PDE1A: variants seen among roughly 807,000 people sequenced by gnomAD.
The protein encoded by PDE1A is phosphodiesterase 1A, also known as dual specificity calcium/calmodulin-dependent 3',5'-cyclic nucleotide phosphodiesterase 1A.
PDE1A carries 35 observed loss-of-function variants against 61.7 expected under a neutral mutation model. That is an observed-to-expected ratio of 0.57 (90% CI 0.43 to 0.75). The LOEUF (loss-of-function observed/expected upper bound fraction) is 0.75, where lower values mean the gene tolerates loss of function less well. Among genes scored for constraint, PDE1A ranks in the 30% least tolerant of loss-of-function variants. The pLI is 0.00. For synonymous variants in PDE1A, 232 were observed against 213.2 expected (o/e 1.09, Z -0.77); for missense variants, 597 against 630.6 (o/e 0.95, Z 0.57).
At chr2:182,513,859 C>T (rs1253710932) in intron 2 of PDE1A, among the ~76,000 whole-genome samples, 1 of 152,216 alleles carries the variant, frequency 6.6e-6, no homozygotes, top group African/African-American at 2.4e-5. Flanking sequence ...AAGGGCATTA[C>T]ATAATGATAA....
intron 1 of PDE1A, among the ~76,000 whole-genome samples, chr2:182,355,930 C>T (rs561431066): frequency 3.9e-5 from 6 of 152,104 alleles, no homozygotes; most frequent in Non-Finnish European, 5.9e-5. Flanking sequence ...AGAGAAACTA[C>T]GTTTGCTTAT....
At chr2:182,287,278 C>T (rs1694227939) in intron 1 of PDE1A, among the ~76,000 whole-genome samples, 1 of 152,082 alleles carries the variant, frequency 6.6e-6, no homozygotes, top group Admixed American at 6.6e-5. Flanking sequence ...AAAAGCCCTC[C>T]CTGACAACCC....
intron 2 of PDE1A, among the ~76,000 whole-genome samples, chr2:182,440,813 CTTT>C (rs1358355102): frequency 2.0e-5 from 3 of 148,722 alleles, no homozygotes; most frequent in African/African-American, 7.4e-5. Context: ...TATTTCTCTT[CTTT>C]TCTGTTGATT....
At chr2:182,520,814 A>G (rs546809564) in intron 2 of PDE1A, among the ~76,000 whole-genome samples, 1 of 151,992 alleles carries the variant, frequency 6.6e-6, no homozygotes, top group East Asian at 1.9e-4. Context: ...TCATCCACTC[A>G]TTAGGCTAAA....
At chr2:182,406,046 A>G (rs1335180999) in intron 1 of PDE1A, among the ~76,000 whole-genome samples, 3 of 152,070 alleles carry the variant, frequency 2.0e-5, no homozygotes, top group Non-Finnish European at 4.4e-5. Flanking sequence ...TAAATTTCCT[A>G]TTTGATAATA....
At chr2:182,311,014 G>A (rs953532294) in intron 1 of PDE1A, among the ~76,000 whole-genome samples, 1 of 151,792 alleles carries the variant, frequency 6.6e-6, no homozygotes, top group Non-Finnish European at 1.5e-5. Context: ...ACACAGTGGA[G>A]GATGCCAAGA....
chr2:182,357,495 G>A (rs2125141917), intron 1 of PDE1A, among the ~76,000 whole-genome samples: 1 of 152,250 alleles, frequency 6.6e-6, no homozygotes, highest in Admixed American at 6.5e-5. Context: ...TTTAGAGGAG[G>A]AAGTCAACCT....
At chr2:182,612,274 T>C in the PDE1A span, among the ~76,000 whole-genome samples, 39 of 152,296 alleles carry the variant, frequency 2.6e-4, no homozygotes, top group African/African-American at 8.9e-4. Flanking sequence ...TTCACAGGTA[T>C]TCAAGACAAA....
intron 1 of PDE1A, among the ~76,000 whole-genome samples, chr2:182,352,477 CA>C (rs1406026464): frequency 6.6e-6 from 1 of 151,536 alleles, no homozygotes. Flanking sequence ...ATCTATTCTA[CA>C]AAAATGGGGC....
At chr2:182,199,278 C>A (rs1686407088) in intron 10 of PDE1A, among the ~76,000 whole-genome samples, 1 of 151,780 alleles carries the variant, frequency 6.6e-6, no homozygotes, top group African/African-American at 2.4e-5. Context: ...TCTTCATTAA[C>A]TTTTGTTATT....
At chr2:182,658,014 C>T in the PDE1A span, among the ~76,000 whole-genome samples, 4 of 127,978 alleles carry the variant, frequency 3.1e-5, no homozygotes, top group African/African-American at 9.1e-5. Flanking sequence ...ATGTGTGTAT[C>T]GCATAGTACC....
chr2:182,496,253 G>A (rs1688706294), intron 2 of PDE1A, among the ~76,000 whole-genome samples: 2 of 151,342 alleles, frequency 1.3e-5, no homozygotes, highest in African/African-American at 4.9e-5. Context: ...ACAAAATATT[G>A]TCCAGCATTT....
At chr2:182,695,871 C>A in the PDE1A span, among the ~76,000 whole-genome samples, 1 of 152,066 alleles carries the variant, frequency 6.6e-6, no homozygotes, top group Non-Finnish European at 1.5e-5. Context: ...AAAAGCTGTT[C>A]CATGTCATAT....
At chr2:182,705,668 C>G in the PDE1A span, among the ~76,000 whole-genome samples, 2 of 152,142 alleles carry the variant, frequency 1.3e-5, no homozygotes, top group Non-Finnish European at 2.9e-5. Flanking sequence ...CATGCGCCAC[C>G]AAGCCCAGCT....
chr2:182,228,511 C>T (rs1689314248), intron 6 of PDE1A, among the ~76,000 whole-genome samples: 1 of 152,032 alleles, frequency 6.6e-6, no homozygotes, highest in Non-Finnish European at 1.5e-5. Context: ...AAGATTTTTT[C>T]CTAATGAAAA....
chr2:182,429,168 T>C (rs1386527115), upstream of PDE1A, among the ~76,000 whole-genome samples: 3 of 152,142 alleles, frequency 2.0e-5, no homozygotes, highest in East Asian at 5.8e-4. Flanking sequence ...ATGATACCAG[T>C]AAATTAAATA....
chr2:182,285,618 G>T (rs1694104837), intron 1 of PDE1A, among the ~76,000 whole-genome samples: 1 of 152,076 alleles, frequency 6.6e-6, no homozygotes, highest in Non-Finnish European at 1.5e-5. Context: ...GACAATATGA[G>T]TTACTTTGGC....
intron 2 of PDE1A, among the ~76,000 whole-genome samples, chr2:182,437,873 G>A (rs1026756406): frequency 6.6e-6 from 1 of 151,518 alleles, no homozygotes; most frequent in Non-Finnish European, 1.5e-5. Flanking sequence ...TTATTAACTG[G>A]TTCTTATCTT....
upstream of PDE1A, among the ~76,000 whole-genome samples, chr2:182,427,364 G>A (rs1373838473): frequency 6.6e-6 from 1 of 152,120 alleles, no homozygotes; most frequent in Non-Finnish European, 1.5e-5. Context: ...AGAAGCCCAT[G>A]CGAAGCTGAC....
Sources: allele counts gnomAD v4.1 joint callset (sites outside exome capture counted in the v4.1 genomes callset), GRCh38; gene constraint gnomAD v4.1.1; transcripts MANE v1.5; gene names NCBI Gene and HGNC (gene_info 2026-07-23, HGNC 2026-07-21).